Variants in BAIAP2 observed in about 807,000 individuals in gnomAD.
The protein encoded by BAIAP2 is BAR/IMD domain containing adaptor protein 2.
A neutral mutation model predicts 63.0 loss-of-function variants in BAIAP2; 18 were observed. The observed-to-expected ratio is 0.29, with a 90% CI of 0.20 to 0.42. The LOEUF (loss-of-function observed/expected upper bound fraction) is 0.42. Among genes scored for constraint, BAIAP2 ranks in the 10% least tolerant of loss-of-function variants. The pLI is 1.00. For synonymous variants in BAIAP2, 386 were observed against 307.6 expected (o/e 1.25, Z -2.67); for missense variants, 610 against 734.3 (o/e 0.83, Z 1.96).
At chr17:81,087,272 G>GGGT (rs1300468920) in intron 6 of BAIAP2, among the ~76,000 whole-genome samples, 2 of 152,234 alleles carry the variant, frequency 1.3e-5, no homozygotes, top group Non-Finnish European at 2.9e-5. Flanking sequence ...CTGCACCCTG[G>GGGT]GGTGGGCAAG....
intron 7 of BAIAP2, among the ~76,000 whole-genome samples, chr17:81,101,803 C>T (rs749557413): frequency 3.3e-5 from 5 of 152,236 alleles, no homozygotes; most frequent in Non-Finnish European, 7.3e-5. Flanking sequence ...GCACCTTTGA[C>T]CCCTGGAGGC....
Position 81,115,946 on chromosome 17 carries a change from G to A in BAIAP2, c.*107G>A, listed in dbSNP as rs1568209079. On this transcript the variant is annotated 3_prime_UTR_variant, in exon 14 of 14. Coordinates refer to ENST00000428708, the MANE Select transcript of BAIAP2 (RefSeq NM_001144888.2). ...CTGTGTAGAGAACATCCAGGCCCCG[G>A]CTGCCTGGTCTTGCCCCACTTGAGT... 1.9e-6 allele frequency: 3 copies of A among 1,540,126 alleles called. No individual in the cohort carries two copies. The highest frequency in any genetic ancestry group is 1.2e-5 in the South Asian group (1 of 85,426).
At chr17:81,063,560 G>A (rs941701308) in intron 3 of BAIAP2, among the ~76,000 whole-genome samples, 6 of 152,346 alleles carry the variant, frequency 3.9e-5, no homozygotes, top group Admixed American at 2.0e-4. Flanking sequence ...TGGGCAGTAA[G>A]TGAAGGAGGC....
chr17:81,083,473 G>C (rs751030907), intron 3 of BAIAP2: 1 of 152,224 alleles, frequency 6.6e-6, no homozygotes, highest in Admixed American at 6.5e-5. Flanking sequence ...TACGGGGGCC[G>C]GACCACCCAG....
intron 7 of BAIAP2, 61 bp downstream of exon 7, chr17:81,100,141 G>A: frequency 1.3e-6 from 2 of 1,540,718 alleles, no homozygotes; most frequent in Middle Eastern, 2.4e-4. Flanking sequence ...AATGACCCAG[G>A]CCCCTGCCCC....
At chr17:81,039,149 C>A (rs1191595165) in intron 1 of BAIAP2, among the ~76,000 whole-genome samples, 1 of 152,262 alleles carries the variant, frequency 6.6e-6, no homozygotes, top group Non-Finnish European at 1.5e-5. Flanking sequence ...CCGCCCTCGC[C>A]ACCGCCAGCC....
chr17:81,106,893 C>T lies in BAIAP2; in HGVS notation c.1486C>T (p.Pro496Ser). 3 of 1,559,192 alleles carry T rather than the reference C, an allele frequency of 1.9e-6. No homozygotes were observed. Among genetic ancestry groups the T allele is most frequent in the Non-Finnish European group, 2.6e-6 (3 of 1,152,658 alleles). ...FKQRPYSVAV[P>S]AFSQGLDDYG... ...GCAGAGGCCCTACAGTGTGGCCGTG[C>T]CCGCCTTCTCCCAGGTCAGTGGGCG... Residue 496 changes from proline (P) to serine (S), a missense_variant, in exon 12 of 14, where the codon CCC (proline) becomes TCC (serine). Pro to Ser is a moderately conservative substitution (Grantham distance 74). Coordinates refer to ENST00000428708, the MANE Select transcript of BAIAP2 (RefSeq NM_001144888.2).
intron 6 of BAIAP2, among the ~76,000 whole-genome samples, chr17:81,089,529 C>T (rs182177501): frequency 6.6e-6 from 1 of 152,058 alleles, no homozygotes; most frequent in South Asian, 2.1e-4. Flanking sequence ...AGTGCCCTTT[C>T]GTGGTAAGCC....
At chr17:81,084,699 C>A in intron 3 of BAIAP2, 133 bp from the exon 4 acceptor site, 1 of 809,030 alleles carries the variant, frequency 1.2e-6, no homozygotes, top group Non-Finnish European at 2.1e-6. Context: ...TCCCTTCTGG[C>A]CCTGACACCC....
At chr17:81,111,913 C>T (rs976466599) in intron 13 of BAIAP2, among the ~76,000 whole-genome samples, 2 of 152,252 alleles carry the variant, frequency 1.3e-5, no homozygotes, top group Admixed American at 6.5e-5. Context: ...CCTGTGTCTC[C>T]CTGGTGGTCA....
intron 10 of BAIAP2, chr17:81,105,411 A>AGACC (rs2059060273): frequency 6.5e-6 from 1 of 153,566 alleles, no homozygotes; most frequent in Admixed American, 6.5e-5. Flanking sequence ...GGCCATCCTG[A>AGACC]GACCGCAGGC....
intron 1 of BAIAP2, among the ~76,000 whole-genome samples, chr17:81,041,303 G>A (rs2047040063): frequency 6.6e-6 from 1 of 152,170 alleles, no homozygotes. Flanking sequence ...GAGGCTCTGG[G>A]GCCTGTCCCA....
At chr17:81,082,055 G>C (rs184455189) in intron 3 of BAIAP2, among the ~76,000 whole-genome samples, 1 of 152,166 alleles carries the variant, frequency 6.6e-6, no homozygotes, top group Non-Finnish European at 1.5e-5. Flanking sequence ...TGCCTGTCCT[G>C]CTCCCTCCTG....
In BAIAP2 at chr17:81,049,825, G is replaced by C. The variant is rs1356795344; in HGVS notation, c.55-3843G>C. ...CGGACCAGGACCTTGGCCTGATTAG[G>C]GGAGCCGGAGGTGGAAGTGGAGGCG... On this transcript the variant is annotated intron_variant, in intron 1 of 13. Transcript: ENST00000428708. 2.6e-5 allele frequency among the ~76,000 whole-genome samples: 4 copies of C among 152,250 alleles called. 1 individual carries two copies. The East Asian group carries it at 7.7e-4, about 29-fold the overall frequency.
chr17:81,110,628 C>A (rs2059807980), intron 13 of BAIAP2: 1 of 1,245,814 alleles, frequency 8.0e-7, no homozygotes, highest in East Asian at 3.1e-5. Flanking sequence ...TGCTAGATAA[C>A]CTGGGCTTGC....
At chr17:81,054,292 A>AGTG (rs2049117777) in intron 2 of BAIAP2, among the ~76,000 whole-genome samples, 2 of 63,890 alleles carry the variant, frequency 3.1e-5, no homozygotes, top group Middle Eastern at 8.8e-3. Flanking sequence ...CCTGGCCCCA[A>AGTG]GGGTGGGAGC....
In BAIAP2 at chr17:81,117,184, A is replaced by AGAG. The variant is rs2060571528; in HGVS notation, c.*1347_*1349dup. 1 of 152,158 alleles carries AGAG rather than the reference A, an allele frequency of 6.6e-6. No individual in the cohort carries two copies. The highest frequency in any genetic ancestry group is 1.5e-5 in the Non-Finnish European group (1 of 68,084). The allele number at this position is 152,158 out of a possible 1,614,324, so 9.4% of individuals were successfully genotyped here. A position where few individuals can be genotyped will look rare whatever the true frequency, so the allele number is the denominator to read the frequency against. The stretch of plus-strand genomic sequence containing the variant: ...TGCCGAGGACAGTGGGGAGGAGAGG[A>AGAG]GAGGGGCAGCTTCCTCCTGGCCCCA... On this transcript the variant is annotated 3_prime_UTR_variant, in exon 14 of 14. Transcript: ENST00000428708.
chr17:81,072,309 ACCT>A (rs904974040), intron 3 of BAIAP2, among the ~76,000 whole-genome samples: 6 of 151,136 alleles, frequency 4.0e-5, no homozygotes, highest in South Asian at 2.1e-4. Context: ...CTGCTCCTTC[ACCT>A]CCTCCTGCGC....
In BAIAP2 at chr17:81,108,671, C is replaced by G. The variant is rs76895281; in HGVS notation, c.1535+162C>G. ...CGGGGATGTCCCTTAGGGCGTCCTGCTTTCTCCGAGTGACACGGGAACCCC... is the reference window on the plus strand; with the variant it reads ...CGGGGATGTCCCTTAGGGCGTCCTGGTTTCTCCGAGTGACACGGGAACCCC... On this transcript the variant is annotated intron_variant, in intron 13 of 13. Transcript: ENST00000428708. The G allele has an allele frequency of 0.011, 10,610 of 977,398 alleles. 742 individuals are homozygous for G. The African/African-American group carries it at 0.15, about 14-fold the overall frequency. 60.5% of individuals were successfully genotyped at this position (977,398 alleles called of 1,614,324 possible).
Sources: gnomAD v4.1 joint callset for allele counts (sites outside exome capture counted in the v4.1 genomes callset) on GRCh38, gnomAD v4.1.1 for gene constraint, MANE v1.5 for transcripts, NCBI Gene and HGNC (gene_info 2026-07-23, HGNC 2026-07-21) for gene names.